The following GTF2F1 variants were observed in gnomAD, a reference collection of about 807,000 sequenced individuals.
The protein encoded by GTF2F1 is general transcription factor IIF 74 kDa subunit.
Under a neutral mutation model 63.5 loss-of-function variants are expected in GTF2F1, and 39 were observed. The ratio of observed to expected loss-of-function variants is 0.61; its 90% CI spans 0.48 to 0.80. The LOEUF (loss-of-function observed/expected upper bound fraction) is 0.80. GTF2F1 is among the 30% of genes least tolerant of loss of function. The pLI is 0.00. For missense variants in GTF2F1, 657 were observed against 718.3 expected (o/e 0.91, Z 0.97); for synonymous variants, 287 against 285.3 (o/e 1.01, Z -0.06).
Position 6,383,566 on chromosome 19 carries a change from GC to G in GTF2F1, c.498-72del. ...CTGCATCTGTGCTTGCAGGGGGCGA[GC>G]CCCAGGGCACCACCCACATAGCCTT... On this transcript the variant is annotated intron_variant, in intron 5 of 12. Coordinates refer to ENST00000394456, the MANE Select transcript of GTF2F1 (RefSeq NM_002096.3). This position sits in a 1 kb window ranked among gnomAD's most constrained non-coding sequence, Gnocchi z 4.5. 1.3e-6 allele frequency: 2 copies of G among 1,523,424 alleles called. No homozygotes were observed. Among genetic ancestry groups the G allele is most frequent in the Non-Finnish European group, 9.0e-7 (1 of 1,113,474 alleles). The allele number at this position is 1,523,424 out of a possible 1,614,324, so 94.4% of individuals were successfully genotyped here. A position where few individuals can be genotyped will look rare whatever the true frequency, so the allele number is the denominator to read the frequency against.
At chr19:6,392,120 C>A in intron 2 of GTF2F1, 146 bp from the exon 3 acceptor site, 1 of 677,272 alleles carries the variant, frequency 1.5e-6, no homozygotes, top group East Asian at 2.8e-5. Context: ...TTCAATCACT[C>A]AATTCAATTG....
Position 6,381,628 on chromosome 19 carries a change from GA to G in GTF2F1, c.837-14del, listed in dbSNP as rs1392830599. 1.2e-6 allele frequency: 2 copies of G among 1,613,888 alleles called. No individual in the cohort carries two copies. The highest frequency in any genetic ancestry group is 2.2e-5 in the East Asian group (1 of 44,898). ...TTCTTGGGAGCTACTGTAAGACGGGGATGGCAAAGGATGAGCGCGCGCTCGC... is the reference window on the plus strand; with the variant it reads ...TTCTTGGGAGCTACTGTAAGACGGGGTGGCAAAGGATGAGCGCGCGCTCGC... On this transcript the variant is annotated splice_polypyrimidine_tract_variant and intron_variant, in intron 7 of 12. Transcript: ENST00000394456. This position sits in a 1 kb window ranked among gnomAD's most constrained non-coding sequence, Gnocchi z 4.1.
Position 6,381,633 on chromosome 19 carries a change from CA to C in GTF2F1, c.837-19del. The C allele has an allele frequency of 6.2e-7, 1 of 1,613,964 alleles. No homozygotes were observed. Among genetic ancestry groups the C allele is most frequent in the East Asian group, 2.2e-5 (1 of 44,880 alleles). On this transcript the variant is annotated intron_variant, in intron 7 of 12. Transcript: ENST00000394456. This position sits in a 1 kb window ranked among gnomAD's most constrained non-coding sequence, Gnocchi z 4.1. ...GGGAGCTACTGTAAGACGGGGATGG[CA>C]AAGGATGAGCGCGCGCTCGCGAGGC...
intron 2 of GTF2F1, 74 bp from the exon 3 acceptor site, chr19:6,392,048 T>C (rs1290691523): frequency 7.7e-6 from 6 of 782,342 alleles, no homozygotes; most frequent in East Asian, 2.7e-5. Context: ...TCAATGCTAT[T>C]GAACCATTAA....
Position 6,381,969 on chromosome 19 carries a change from G to C in GTF2F1, c.683-119C>G. On this transcript the variant is annotated intron_variant, in intron 6 of 12. Coordinates refer to ENST00000394456, the MANE Select transcript of GTF2F1 (RefSeq NM_002096.3). This position sits in a 1 kb window ranked among gnomAD's most constrained non-coding sequence, Gnocchi z 4.1. ...CCTGGGGGGCCTCACTGACTGGGGA[G>C]ACTACACCTCCAGGGCCAGCCCAGG... 1.2e-6 allele frequency: 1 copy of C among 816,286 alleles called. No individual in the cohort carries two copies. The highest frequency in any genetic ancestry group is 1.7e-5 in the South Asian group (1 of 58,160). The allele number at this position is 816,286 out of a possible 1,614,324, so 50.6% of individuals were successfully genotyped here. A position where few individuals can be genotyped will look rare whatever the true frequency, so the allele number is the denominator to read the frequency against.
rs766811126 is a variant in GTF2F1, at chr19:6,381,477, A to G, written c.900T>C (p.Gly300=). ...KAPQQEEGPK[G]VDEQSDSSEE... ...CACTACTGTCGCTCTGCTCATCGACACCTGGGAGGGGCAGGGTATGAGCAA... is the reference window on the plus strand; with the variant it reads ...CACTACTGTCGCTCTGCTCATCGACGCCTGGGAGGGGCAGGGTATGAGCAA... The change falls in exon 9 of 13, where the codon GGT becomes GGC. Residue 300 remains glycine (G), a splice_region_variant and synonymous_variant. Coordinates refer to ENST00000394456, the MANE Select transcript of GTF2F1 (RefSeq NM_002096.3). The surrounding 1 kb of genome is among the most constrained non-coding windows in gnomAD (Gnocchi z 4.1). 4 of 1,607,486 alleles carry G rather than the reference A, an allele frequency of 2.5e-6. No individual in the cohort carries two copies. The Admixed American group carries it at 5.0e-5, about 20-fold the overall frequency.
At chr19:6,391,540 AC>A (rs2091998051) in intron 3 of GTF2F1, among the ~76,000 whole-genome samples, 1 of 143,898 alleles carries the variant, frequency 6.9e-6, no homozygotes, top group Non-Finnish European at 1.5e-5. Flanking sequence ...GCAGCCTTGA[AC>A]CCCTGGGCTC....
chr19:6,389,716 T>A, intron 3 of GTF2F1, 79 bp from the exon 4 acceptor site: 1 of 1,316,016 alleles, frequency 7.6e-7, no homozygotes, highest in East Asian at 2.3e-5. Flanking sequence ...CGCCCTTCCT[T>A]GCCCTAGGCC....
rs772629783 is a variant in GTF2F1, at chr19:6,381,523, C to T, written c.898+31G>A. The T allele has an allele frequency of 4.3e-6, 7 of 1,610,706 alleles. No homozygotes were observed. Among genetic ancestry groups the T allele is most frequent in the Non-Finnish European group, 5.9e-6 (7 of 1,179,862 alleles). On this transcript the variant is annotated intron_variant, in intron 8 of 12. Transcript: ENST00000394456. This position sits in a 1 kb window ranked among gnomAD's most constrained non-coding sequence, Gnocchi z 4.1. ...AGCAAGAGCAGGGAAGCACCGCCCCCATCTCCCCGGCCCGCCCAGCCATCG... is the reference window on the plus strand; with the variant it reads ...AGCAAGAGCAGGGAAGCACCGCCCCTATCTCCCCGGCCCGCCCAGCCATCG...
chr19:6,388,395 G>A (rs1005337214), intron 4 of GTF2F1, among the ~76,000 whole-genome samples: 5 of 152,170 alleles, frequency 3.3e-5, no homozygotes, highest in Admixed American at 1.3e-4. Context: ...CCAAGGCTCC[G>A]CTGGACCCAG....
At chr19:6,392,100 ATTACT>A (rs1223448976) in intron 2 of GTF2F1, 126 bp from the exon 3 acceptor site, 3 of 679,674 alleles carry the variant, frequency 4.4e-6, no homozygotes, top group Non-Finnish European at 8.2e-6. Flanking sequence ...CAATCAAATC[ATTACT>A]TTAATTCAAT....
Position 6,380,856 on chromosome 19 carries a change from G to A in GTF2F1, c.1231+48C>T, listed in dbSNP as rs781164089. On this transcript the variant is annotated intron_variant, in intron 11 of 12. Coordinates refer to ENST00000394456, the MANE Select transcript of GTF2F1 (RefSeq NM_002096.3). The surrounding 1 kb of genome is among the most constrained non-coding windows in gnomAD (Gnocchi z 5.3). The stretch of plus-strand genomic sequence containing the variant: ...TGTCCTGAGCCCCAACAGAGGTCAG[G>A]AGGCTGTGGCTGTGGCTGTGGGGAG... 5.3e-6 allele frequency: 8 copies of A among 1,522,846 alleles called. No individual in the cohort carries two copies. In the East Asian group the frequency reaches 1.9e-4, roughly 36 times the overall value. 94.3% of individuals were successfully genotyped at this position (1,522,846 alleles called of 1,614,324 possible). A position where few individuals can be genotyped will look rare whatever the true frequency, so the allele number is the denominator to read the frequency against.
intron 1 of GTF2F1, 27 bp downstream of exon 1, chr19:6,392,957 C>A (rs2092007075): frequency 6.2e-7 from 1 of 1,614,006 alleles, no homozygotes; most frequent in Non-Finnish European, 8.5e-7. Context: ...CGTCGGAACC[C>A]CCGAACCCCG....
chr19:6,390,683 C>G (rs2091993420), intron 3 of GTF2F1, among the ~76,000 whole-genome samples: 1 of 151,470 alleles, frequency 6.6e-6, no homozygotes, highest in African/African-American at 2.4e-5. Context: ...AGTTCAAGAC[C>G]AGCCTGACCA....
intron 1 of GTF2F1, 27 bp from the exon 2 acceptor site, chr19:6,392,930 G>A (rs2092006839): frequency 5.6e-6 from 9 of 1,614,050 alleles, no homozygotes; most frequent in Non-Finnish European, 5.9e-6. Flanking sequence ...CGGTGAGTGA[G>A]GGGTCGCCGA....
At position 6,381,560 on chromosome 19, in the gene GTF2F1, G is replaced by T; in HGVS notation, c.892C>A (p.Pro298Thr). 1 of 1,613,186 alleles carries T rather than the reference G, an allele frequency of 6.2e-7. No individual in the cohort carries two copies. Residue 298 changes from proline (P) to threonine (T), a missense_variant, in exon 8 of 13, where the codon CCC becomes ACC. Physicochemically the swap from Pro to Thr is conservative, Grantham distance 38. This residue lies in a region of GTF2F1 where 602 missense variants were observed against 625.6 expected (regional missense o/e 0.96). Transcript: ENST00000394456. The surrounding 1 kb of genome is among the most constrained non-coding windows in gnomAD (Gnocchi z 4.1). ...CCGCCCAGCCATCGCCTACCCTTGG[G>T]CCCCTCCTCCTGCTGCGGCGCCTTG... ...KAKAPQQEEGPKGVDEQSDSS... is the reference protein window; with the variant it reads ...KAKAPQQEEGTKGVDEQSDSS...
intron 2 of GTF2F1, chr19:6,392,323 G>A (rs2092003506): frequency 6.2e-6 from 3 of 481,306 alleles, no homozygotes; most frequent in South Asian, 1.5e-5. Flanking sequence ...AGAGCAGATG[G>A]AGGGACGAAG....
chr19:6,392,822 G>A (rs749830157), intron 2 of GTF2F1, 35 bp downstream of exon 2: 3 of 1,592,970 alleles, frequency 1.9e-6, no homozygotes, highest in Admixed American at 1.7e-5. Flanking sequence ...TTTTTGGGGG[G>A]TGGAGAGGAG....
At position 6,392,965 on chromosome 19, in the gene GTF2F1, C is replaced by G. The variant is rs1433439196; in HGVS notation, c.12+19G>C. The G allele has an allele frequency of 6.2e-7, 1 of 1,614,202 alleles. No homozygotes were observed. Among genetic ancestry groups the G allele is most frequent in the South Asian group, 1.1e-5 (1 of 91,084 alleles). On this transcript the variant is annotated intron_variant, in intron 1 of 12. Coordinates refer to ENST00000394456, the MANE Select transcript of GTF2F1 (RefSeq NM_002096.3). ...AGGTCGCCGTCGGAACCCCCGAACC[C>G]CGCCAAATCCACACTCACTAGGGCC...
Sources: allele counts gnomAD v4.1 joint callset (sites outside exome capture counted in the v4.1 genomes callset), GRCh38; gene constraint gnomAD v4.1.1; regional missense constraint gnomAD v4.1.1; non-coding constraint Gnocchi (gnomAD v3.1); transcripts MANE v1.5; gene names NCBI Gene and HGNC (gene_info 2026-07-23, HGNC 2026-07-21).